CPA6: variants seen among roughly 807,000 people sequenced by gnomAD.
CPA6 encodes the protein carboxypeptidase B.
Under a neutral mutation model 63.3 loss-of-function variants are expected in CPA6, and 58 were observed. That is an observed-to-expected ratio of 0.92 (90% CI 0.74 to 1.14). The LOEUF (loss-of-function observed/expected upper bound fraction) is 1.14. Among genes scored for constraint, CPA6 ranks in the 50% most tolerant of loss-of-function variants. The pLI, the probability that CPA6 is intolerant of heterozygous loss-of-function variation, is 0.00. For missense variants in CPA6, 565 were observed against 526.6 expected (o/e 1.07, Z -0.71); for synonymous variants, 185 against 179.0 (o/e 1.03, Z -0.27).
At chr8:67,532,817 T>C (rs1812506565) in intron 2 of CPA6, among the ~76,000 whole-genome samples, 1 of 152,332 alleles carries the variant, frequency 6.6e-6, no homozygotes, top group African/African-American at 2.4e-5. Context: ...GCCAAATGGG[T>C]ATCACAAAAT....
chr8:67,475,856 TTTC>T lies in CPA6; in HGVS notation c.838+7909_838+7911del, dbSNP rs1297030742. Among the ~76,000 whole-genome samples, 40 of 99,358 alleles carry T rather than the reference TTTC, an allele frequency of 4.0e-4. 1 individual carries two copies. The highest frequency in any genetic ancestry group is 6.8e-4 in the Admixed American group (6 of 8,882). 65.2% of individuals were successfully genotyped at this position (99,358 alleles called of 152,430 possible). A position where few individuals can be genotyped will look rare whatever the true frequency, so the allele number is the denominator to read the frequency against. ...CTTTCTTTCTTTCTTTCTTTCTTTC[TTTC>T]TTTCTTTCTTTCTTTCTTTCTCCTT... On this transcript the variant is annotated intron_variant, in intron 8 of 10. Transcript: ENST00000297770.
intron 2 of CPA6, among the ~76,000 whole-genome samples, chr8:67,598,170 A>G (rs2128982737): frequency 6.6e-6 from 1 of 152,278 alleles, no homozygotes; most frequent in South Asian, 2.1e-4. Flanking sequence ...CAAAATGGCT[A>G]CTTCACATTT....
chr8:67,428,086 C>T lies in CPA6; in HGVS notation c.1087G>A (p.Gly363Arg), dbSNP rs368528528. ...GCTGGTCCATATCTGTATCGTACCC[C>T]GTATACTGACTGAAGTGCATTCACA... ...KAVNALQSVY[G>R]VRYRYGPAST... The change falls in exon 10 of 11, where the codon GGG (glycine) becomes AGG (arginine). Residue 363 changes from glycine (G) to arginine (R), a missense_variant. Coordinates refer to ENST00000297770, the MANE Select transcript of CPA6 (RefSeq NM_020361.5). The T allele has an allele frequency of 5.6e-5, 90 of 1,613,220 alleles. 1 individual carries two copies. Among genetic ancestry groups the T allele is most frequent in the South Asian group, 9.9e-5 (9 of 91,036 alleles).
chr8:67,678,082 G>A (rs925288071), intron 1 of CPA6, among the ~76,000 whole-genome samples: 13 of 152,044 alleles, frequency 8.6e-5, no homozygotes, highest in Admixed American at 2.6e-4. Flanking sequence ...ACAAAAATTA[G>A]CTGAGTGTGG....
chr8:67,549,536 G>A (rs1386546503), intron 2 of CPA6, among the ~76,000 whole-genome samples: 3 of 151,984 alleles, frequency 2.0e-5, no homozygotes, highest in South Asian at 2.1e-4. Flanking sequence ...AGTACACAAC[G>A]CAGTATCACT....
At chr8:67,485,977 G>A (rs919428921) in intron 6 of CPA6, among the ~76,000 whole-genome samples, 7 of 152,244 alleles carry the variant, frequency 4.6e-5, no homozygotes, top group Admixed American at 1.3e-4. Flanking sequence ...TAAAATTATC[G>A]TGACTATTTT....
At chr8:67,595,115 G>A (rs1032247648) in intron 2 of CPA6, among the ~76,000 whole-genome samples, 2 of 152,162 alleles carry the variant, frequency 1.3e-5, no homozygotes, top group Admixed American at 6.5e-5. Context: ...ACCCTCAGCT[G>A]CAGGTCTGTT....
At chr8:67,650,303 A>G (rs1471439435) in intron 1 of CPA6, among the ~76,000 whole-genome samples, 4 of 152,096 alleles carry the variant, frequency 2.6e-5, no homozygotes, top group Admixed American at 1.3e-4. Context: ...ACAATAGAAA[A>G]TTATTTGTAT....
intron 1 of CPA6, among the ~76,000 whole-genome samples, chr8:67,667,268 G>A (rs772937248): frequency 1.3e-5 from 2 of 152,112 alleles, no homozygotes; most frequent in African/African-American, 2.4e-5. Context: ...TATGTTTAAC[G>A]ATGCCACAGG....
chr8:67,738,755 A>G (rs1817859670), intron 1 of CPA6, among the ~76,000 whole-genome samples: 1 of 48,780 alleles, frequency 2.1e-5, no homozygotes, highest in Non-Finnish European at 4.8e-5. Flanking sequence ...AAAGCTTTGT[A>G]TTACGCATTA....
At chr8:67,500,806 T>C (rs964810890) in intron 6 of CPA6, among the ~76,000 whole-genome samples, 1 of 151,680 alleles carries the variant, frequency 6.6e-6, no homozygotes, top group Non-Finnish European at 1.5e-5. Context: ...TCCAGCACCA[T>C]TTGTTGAAAA....
chr8:67,523,827 G>T (rs1812308544), intron 2 of CPA6, among the ~76,000 whole-genome samples: 1 of 152,184 alleles, frequency 6.6e-6, no homozygotes, highest in Non-Finnish European at 1.5e-5. Flanking sequence ...CACAGATGTG[G>T]GAAGATGTGT....
chr8:67,605,214 T>G (rs371990769), intron 2 of CPA6, among the ~76,000 whole-genome samples: 15 of 152,128 alleles, frequency 9.9e-5, no homozygotes, highest in African/African-American at 3.4e-4. Flanking sequence ...ATGCCCAACA[T>G]AGAGTATTCC....
chr8:67,583,638 C>G (rs1024837938), intron 2 of CPA6, among the ~76,000 whole-genome samples: 1 of 152,126 alleles, frequency 6.6e-6, no homozygotes, highest in Non-Finnish European at 1.5e-5. Flanking sequence ...GCTGTGAATT[C>G]AGGTGGAGTG....
At chr8:67,470,051 TC>T (rs1811022817) in intron 8 of CPA6, among the ~76,000 whole-genome samples, 2 of 151,800 alleles carry the variant, frequency 1.3e-5, no homozygotes, top group Non-Finnish European at 2.9e-5. Context: ...CTTTTTTTTT[TC>T]TGAGGCAGAG....
intron 2 of CPA6, among the ~76,000 whole-genome samples, chr8:67,556,215 G>T (rs1215176531): frequency 6.6e-6 from 1 of 152,232 alleles, no homozygotes; most frequent in Admixed American, 6.5e-5. Flanking sequence ...GGGAGATGGG[G>T]TTTCTGCGTT....
At chr8:67,547,924 C>T (rs1013250655) in intron 2 of CPA6, among the ~76,000 whole-genome samples, 2 of 152,136 alleles carry the variant, frequency 1.3e-5, no homozygotes, top group African/African-American at 4.8e-5. Context: ...TCTTAGACCA[C>T]GTTTTAAAAG....
intron 8 of CPA6, among the ~76,000 whole-genome samples, chr8:67,470,543 A>G (rs60606572): frequency 0.068 from 10,294 of 151,824 alleles, 816 homozygotes; most frequent in African/African-American, 0.19. Context: ...ATGAATTGAG[A>G]CTCTATGCTT....
chr8:67,564,296 C>G (rs1014014441), intron 2 of CPA6, among the ~76,000 whole-genome samples: 10 of 152,144 alleles, frequency 6.6e-5, no homozygotes, highest in Admixed American at 5.2e-4. Context: ...TCTCTCTAGT[C>G]TCTGCCTGTG....
Sources: gnomAD v4.1 joint callset for allele counts (sites outside exome capture counted in the v4.1 genomes callset) on GRCh38, gnomAD v4.1.1 for gene constraint, MANE v1.5 for transcripts, NCBI Gene and HGNC (gene_info 2026-07-23, HGNC 2026-07-21) for gene names.